The following NSMF variants were observed in gnomAD, a reference collection of about 807,000 sequenced individuals.
NSMF encodes nasal embryonic LHRH factor.
Under a neutral mutation model 71.0 loss-of-function variants are expected in NSMF, and 31 were observed. The observed-to-expected ratio is 0.44, with a 90% CI of 0.33 to 0.59. NSMF has a LOEUF of 0.59. Among genes scored for constraint, NSMF ranks in the 20% least tolerant of loss-of-function variants. NSMF has a pLI of 0.04. For missense variants in NSMF, 673 were observed against 740.5 expected (o/e 0.91, Z 1.06); for synonymous variants, 345 against 287.1 (o/e 1.20, Z -2.04).
Position 137,453,137 on chromosome 9 carries a change from G to A in NSMF, c.966C>T (p.Phe322=), listed in dbSNP as rs565810886. The part of the protein sequence containing the change: ...QSSHCTLDEA[F]EDLDWDTEKG... The stretch of plus-strand genomic sequence containing the variant: ...TCTCAGTGTCCCAGTCCAGGTCCTC[G>A]AAGGCCTCGTCCAGCGTGCAGTGGG... Residue 322 remains phenylalanine (F), a synonymous_variant, in exon 9 of 16, where the codon TTC becomes TTT. Coordinates refer to ENST00000371475, the MANE Select transcript of NSMF (RefSeq NM_001130969.3). The surrounding 1 kb of genome is among the most constrained non-coding windows in gnomAD (Gnocchi z 4.5). The A allele has an allele frequency of 4.3e-6, 7 of 1,612,660 alleles. No homozygotes were observed. The highest frequency in any genetic ancestry group is 3.3e-5 in the Admixed American group (2 of 60,020).
At chr9:137,451,101 T>C (rs1249760376) in intron 12 of NSMF, among the ~76,000 whole-genome samples, 3 of 33,922 alleles carry the variant, frequency 8.8e-5, no homozygotes, top group African/African-American at 1.4e-4. Flanking sequence ...GATCTTCCCC[T>C]GCCACACGTC....
chr9:137,454,755 C>CTCAGGGA (rs1398599029), intron 6 of NSMF: 1 of 1,443,464 alleles, frequency 6.9e-7, no homozygotes, highest in Non-Finnish European at 9.2e-7. Flanking sequence ...CGCCCTGAGC[C>CTCAGGGA]TCCACGCCCA....
chr9:137,455,102 C>T, intron 6 of NSMF, 137 bp downstream of exon 6: 1 of 950,168 alleles, frequency 1.1e-6, no homozygotes, highest in Non-Finnish European at 1.7e-6. Context: ...CTCCTGCCTG[C>T]CACGTCCCCA....
chr9:137,456,805 CT>C (rs1410582057), intron 3 of NSMF, among the ~76,000 whole-genome samples: 2 of 152,220 alleles, frequency 1.3e-5, no homozygotes, highest in Non-Finnish European at 2.9e-5. Context: ...AACAATGCGT[CT>C]GTTTCCCTTG....
At chr9:137,449,560 C>A in intron 15 of NSMF, 39 bp downstream of exon 15, 1 of 1,611,064 alleles carries the variant, frequency 6.2e-7, no homozygotes, top group South Asian at 1.1e-5. Flanking sequence ...CGTGGCCCCG[C>A]AGTGGCTGCA....
chr9:137,457,741 C>G lies in NSMF; in HGVS notation c.294G>C (p.Gln98His), dbSNP rs1238146638. The G allele has an allele frequency of 1.3e-6, 2 of 1,558,090 alleles. No homozygotes were observed. The highest frequency in any genetic ancestry group is 1.2e-5 in the South Asian group (1 of 84,568). Residue 98 changes from glutamine (Q) to histidine (H), a missense_variant, in exon 3 of 16, where the codon CAG (glutamine) becomes CAC (histidine). Coordinates refer to ENST00000371475, the MANE Select transcript of NSMF (RefSeq NM_001130969.3). ...CCCCAGAGATGGTGTACACTCGAGGCTGAGGGCCCTCGCCTGCGGGCTTCC... is the reference window on the plus strand; with the variant it reads ...CCCCAGAGATGGTGTACACTCGAGGGTGAGGGCCCTCGCCTGCGGGCTTCC... ...SIRKPAGEGP[Q>H]PRVYTISGEP...
intron 6 of NSMF, 100 bp from the exon 7 acceptor site, chr9:137,454,543 C>T (rs1374841477): frequency 6.5e-7 from 1 of 1,548,918 alleles, no homozygotes; most frequent in Non-Finnish European, 8.7e-7. Context: ...CTCACCCCTT[C>T]GGTGTGGGAA....
Position 137,449,498 on chromosome 9 carries a change from G to A in NSMF, c.1496-7C>T, listed in dbSNP as rs371043760. The A allele has an allele frequency of 1.1e-5, 18 of 1,612,488 alleles. No homozygotes were observed. Among genetic ancestry groups the A allele is most frequent in the Middle Eastern group, 1.6e-4 (1 of 6,084 alleles). On this transcript the variant is annotated splice_polypyrimidine_tract_variant and splice_region_variant and intron_variant, in intron 15 of 15. Coordinates refer to ENST00000371475, the MANE Select transcript of NSMF (RefSeq NM_001130969.3). ...GTCTCGATCATCTGCTTCCCTGGGCGGAGCGGGGGCAGGAGGCTCAGGCCT... is the reference window on the plus strand; with the variant it reads ...GTCTCGATCATCTGCTTCCCTGGGCAGAGCGGGGGCAGGAGGCTCAGGCCT...
intron 2 of NSMF, among the ~76,000 whole-genome samples, chr9:137,458,172 G>A (rs1485968549): frequency 2.6e-5 from 4 of 152,166 alleles, no homozygotes; most frequent in African/African-American, 7.2e-5. Flanking sequence ...GCCTGCGATC[G>A]CACCGTTTGC....
At chr9:137,455,736 G>C (rs1304402034) in intron 4 of NSMF, 102 bp from the exon 5 acceptor site, 3 of 1,303,718 alleles carry the variant, frequency 2.3e-6, no homozygotes, top group Admixed American at 2.0e-5. Flanking sequence ...TTCCCTTCTT[G>C]TCACTGACCC....
chr9:137,452,664 G>A (rs1251547386), intron 10 of NSMF, 72 bp downstream of exon 10: 1 of 1,606,016 alleles, frequency 6.2e-7, no homozygotes, highest in Admixed American at 1.7e-5. Context: ...TGGGGACCTG[G>A]GGTGCCGGCG....
chr9:137,457,810 G>C lies in NSMF; in HGVS notation c.225C>G (p.Ser75=), dbSNP rs367747132. 65 of 1,557,930 alleles carry C rather than the reference G, an allele frequency of 4.2e-5. No individual in the cohort carries two copies. Among genetic ancestry groups the C allele is most frequent in the Admixed American group, 5.8e-5 (3 of 51,566 alleles). ...PQNKRRLSLV[S]NGCYEGSLSE... ...AGAGGCTGCCCTCGTAGCAGCCGTT[G>C]GAGACGAGGGACAGGCGGCGCTTGT... The change falls in exon 3 of 16, where the codon TCC becomes TCG. Residue 75 remains serine, a synonymous_variant. Coordinates refer to ENST00000371475, the MANE Select transcript of NSMF (RefSeq NM_001130969.3).
At chr9:137,458,620 C>A (rs982595197) in intron 1 of NSMF, 71 bp from the exon 2 acceptor site, 57 of 1,419,446 alleles carry the variant, frequency 4.0e-5, no homozygotes, top group Non-Finnish European at 5.5e-5. Flanking sequence ...GCGCAAGAGC[C>A]GGGGGTCCGG....
At chr9:137,454,998 C>T in intron 6 of NSMF, 1 of 721,394 alleles carries the variant, frequency 1.4e-6, no homozygotes, top group Non-Finnish European at 2.6e-6. Flanking sequence ...GGGAGGGGGG[C>T]CTTGCTGCTG....
chr9:137,459,262 G>C lies in NSMF; in HGVS notation c.-160C>G, dbSNP rs1326055813. 2.8e-6 allele frequency: 1 copy of C among 356,392 alleles called. No homozygotes were observed. The highest frequency in any genetic ancestry group is 1.5e-4 in the East Asian group (1 of 6,770). The allele number at this position is 356,392 out of a possible 1,614,324, so 22.1% of individuals were successfully genotyped here. A position where few individuals can be genotyped will look rare whatever the true frequency, so the allele number is the denominator to read the frequency against. On this transcript the variant is annotated 5_prime_UTR_variant, in exon 1 of 16. Coordinates refer to ENST00000371475, the MANE Select transcript of NSMF (RefSeq NM_001130969.3). ...TGGGCTCGGGGTCGGGCTCGGGGTC[G>C]GGCCCGGTCCCCGCATGGCCGCACC...
intron 6 of NSMF, chr9:137,454,745 C>T (rs993239265): frequency 6.2e-6 from 9 of 1,460,214 alleles, no homozygotes; most frequent in Admixed American, 2.1e-5. Context: ...CCGGGACTTA[C>T]GCCCTGAGCC....
chr9:137,455,026 G>A (rs777384655), intron 6 of NSMF: 14 of 730,056 alleles, frequency 1.9e-5, no homozygotes, highest in South Asian at 1.3e-4. Context: ...CCCAGACAGA[G>A]ACACGTGCCC....
intron 10 of NSMF, 55 bp from the exon 11 acceptor site, chr9:137,452,641 C>T (rs1016418286): frequency 3.1e-6 from 5 of 1,610,176 alleles, no homozygotes; most frequent in East Asian, 2.2e-5. Context: ...GAGCCAGCAG[C>T]GCCACAGCAC....
chr9:137,458,939 C>T, intron 1 of NSMF, 93 bp downstream of exon 1: 5 of 1,039,296 alleles, frequency 4.8e-6, no homozygotes, highest in Non-Finnish European at 6.4e-6. Context: ...GGCCGGGGCC[C>T]GGGAGCCCGG....
Sources: allele counts gnomAD v4.1 joint callset (sites outside exome capture counted in the v4.1 genomes callset), GRCh38; gene constraint gnomAD v4.1.1; non-coding constraint Gnocchi (gnomAD v3.1); transcripts MANE v1.5; gene names NCBI Gene and HGNC (gene_info 2026-07-23, HGNC 2026-07-21).